The following TRAF2 variants were observed in gnomAD, a reference collection of about 807,000 sequenced individuals.
TRAF2 encodes TNF receptor associated factor 2.
A neutral mutation model predicts 55.6 loss-of-function variants in TRAF2; 6 were observed. That is an observed-to-expected ratio of 0.11 (90% CI 0.06 to 0.21). The LOEUF (loss-of-function observed/expected upper bound fraction) is 0.21, where lower values mean the gene tolerates loss of function less well. Among genes scored for constraint, TRAF2 ranks in the 10% least tolerant of loss-of-function variants. TRAF2 has a pLI of 1.00. For synonymous variants in TRAF2, 329 were observed against 276.3 expected (o/e 1.19, Z -1.89); for missense variants, 561 against 684.5 (o/e 0.82, Z 2.01).
intron 4 of TRAF2, chr9:136,902,541 CCACGCGGTCCTGCAGG>C (rs1163923813): frequency 6.6e-6 from 1 of 152,274 alleles, no homozygotes; most frequent in African/African-American, 2.4e-5. Context: ...GCCTGGGGCG[CCACGCGGTCCTGCAGG>C]CACGCAGGGT....
rs867942739 is a variant in TRAF2 at position 136,908,872 on chromosome 9, A to G, written c.528+641A>G. The stretch of plus-strand genomic sequence containing the variant: ...GCGACAGAGCGAGATTCCGTCTCGG[A>G]AAAAAAAAAAAAAAAAAAAGCCAGG... On this transcript the variant is annotated intron_variant, in intron 5 of 10. Transcript: ENST00000247668. Among the ~76,000 whole-genome samples, 27 of 9,718 alleles carry G rather than the reference A, an allele frequency of 2.8e-3. No homozygotes were observed. In the East Asian group the frequency reaches 0.051, roughly 18 times the overall value. 6.4% of individuals were successfully genotyped at this position (9,718 alleles called of 152,430 possible).
In TRAF2 at chr9:136,926,170, A is replaced by C. The variant is rs1850528119; in HGVS notation, c.*269A>C. ...GGCCGAGGGTCTTCGGGTGCTTCCC[A>C]GCACAAGCTGCCCTTGCTGTCCTGT... On this transcript the variant is annotated 3_prime_UTR_variant, in exon 11 of 11. Transcript: ENST00000247668. 1 of 622,066 alleles carries C rather than the reference A, an allele frequency of 1.6e-6. No individual in the cohort carries two copies. Among genetic ancestry groups the C allele is most frequent in the Non-Finnish European group, 3.0e-6 (1 of 335,464 alleles). 38.5% of individuals were successfully genotyped at this position (622,066 alleles called of 1,614,324 possible).
intron 1 of TRAF2, among the ~76,000 whole-genome samples, chr9:136,894,883 C>A (rs114142001): frequency 1.7e-3 from 255 of 152,240 alleles, no homozygotes; most frequent in African/African-American, 6.0e-3. Flanking sequence ...GAGAAACTGG[C>A]GGGAGGATCG....
intron 4 of TRAF2, among the ~76,000 whole-genome samples, chr9:136,905,986 TC>T (rs1257570153): frequency 6.6e-6 from 1 of 152,152 alleles, no homozygotes; most frequent in African/African-American, 2.4e-5. Context: ...GCGCCCGTAG[TC>T]CCAGCTACTC....
chr9:136,915,902 C>T (rs147141076), intron 6 of TRAF2, among the ~76,000 whole-genome samples: 33 of 152,274 alleles, frequency 2.2e-4, no homozygotes, highest in Admixed American at 5.2e-4. Context: ...TCTTGTGCTG[C>T]GTCTGGCATG....
intron 10 of TRAF2, among the ~76,000 whole-genome samples, chr9:136,924,792 T>C (rs982362110): frequency 6.6e-6 from 1 of 152,042 alleles, no homozygotes; most frequent in African/African-American, 2.4e-5. Context: ...CAGGCTGGAG[T>C]GCAGTGGCAT....
chr9:136,920,433 T>G lies in TRAF2; in HGVS notation c.878T>G (p.Val293Gly), dbSNP rs1157951722. ...ENIVCVLNRE[V>G]ERVAMTAEAC... ...ATTGTCTGCGTCCTGAACCGGGAGG[T>G]GGAGAGGGTGGCCATGACTGCCGAG... The change falls in exon 8 of 11, where the codon GTG becomes GGG. Residue 293 changes from valine (V) to glycine (G), a missense_variant. By Grantham distance (109) the Val-to-Gly change is moderately radical (BLOSUM62 -3). Transcript: ENST00000247668. The G allele has an allele frequency of 2.5e-6, 4 of 1,612,812 alleles. No homozygotes were observed. The highest frequency in any genetic ancestry group is 3.4e-6 in the Non-Finnish European group (4 of 1,179,748).
chr9:136,894,637 T>TA (rs1280160721), intron 1 of TRAF2, among the ~76,000 whole-genome samples: 1 of 152,056 alleles, frequency 6.6e-6, no homozygotes, highest in Non-Finnish European at 1.5e-5. Flanking sequence ...CTAAACCCAG[T>TA]GGCCGGGTTT....
chr9:136,905,220 G>T (rs1278935161), intron 4 of TRAF2, among the ~76,000 whole-genome samples: 1 of 152,194 alleles, frequency 6.6e-6, no homozygotes, highest in African/African-American at 2.4e-5. Context: ...GTCCTCTGCT[G>T]CCCTGGCCTC....
rs1850245770 is a variant in TRAF2, at chr9:136,916,523, G to C, written c.604-18G>C. 1 of 1,613,442 alleles carries C rather than the reference G, an allele frequency of 6.2e-7. No homozygotes were observed. On this transcript the variant is annotated intron_variant, in intron 6 of 10. Transcript: ENST00000247668. Reference sequence around the variant, plus strand: ...TCAGAACAGAGAAAGATGGCTCTGTGACGTCACTCCCTTGTAGTTTCAGGA... The same window carrying C: ...TCAGAACAGAGAAAGATGGCTCTGTCACGTCACTCCCTTGTAGTTTCAGGA...
At chr9:136,910,238 T>G (rs1346181236) in intron 6 of TRAF2, 2 of 565,784 alleles carry the variant, frequency 3.5e-6, no homozygotes, top group Non-Finnish European at 3.2e-6. Context: ...AGCTGCTTAC[T>G]TTTCAGCAGG....
rs185223767 is a variant in TRAF2 at position 136,907,315 on chromosome 9, C to G, written c.367-755C>G. On this transcript the variant is annotated intron_variant, in intron 4 of 10. Transcript: ENST00000247668. The stretch of plus-strand genomic sequence containing the variant: ...GCCTGCCTTCCCTGGTGTTCTGGCA[C>G]TGGTGGTCACTACCAGGTTGTCAGC... Among the ~76,000 whole-genome samples the G allele has an allele frequency of 3.5e-3, 529 of 152,386 alleles. 13 individuals carry two copies. The highest frequency in any genetic ancestry group is 0.031 in the Admixed American group (474 of 15,308).
Position 136,923,907 on chromosome 9 carries a change from C to T in TRAF2, c.1194C>T (p.Gly398=), listed in dbSNP as rs528805142. The T allele has an allele frequency of 6.0e-5, 97 of 1,613,884 alleles. No homozygotes were observed. Among genetic ancestry groups the T allele is most frequent in the East Asian group, 2.0e-4 (9 of 44,864 alleles). Residue 398 remains glycine, a synonymous_variant, in exon 10 of 11, where the codon GGC becomes GGT. Coordinates refer to ENST00000247668, the MANE Select transcript of TRAF2 (RefSeq NM_021138.4). ...YKMCLRIYLN[G]DGTGRGTHLS... is the part of the protein sequence containing the mutation. ...TGTGTCTGCGTATCTACCTGAACGG[C>T]GACGGCACCGGGCGAGGAACACACC...
At chr9:136,900,792 C>T (rs919774216) in intron 4 of TRAF2, 17 of 408,520 alleles carry the variant, frequency 4.2e-5, no homozygotes, top group Non-Finnish European at 7.5e-5. Context: ...TCTTGTCTGT[C>T]GATGGGGGTG....
upstream of TRAF2, among the ~76,000 whole-genome samples, chr9:136,883,826 T>A (rs1276429851): frequency 1.6e-5 from 2 of 127,064 alleles, no homozygotes; most frequent in African/African-American, 6.7e-5. Flanking sequence ...CTTTTGTGTA[T>A]TTTTTTTTTT....
chr9:136,887,375 G>A (rs944663881), intron 1 of TRAF2, among the ~76,000 whole-genome samples: 1 of 152,196 alleles, frequency 6.6e-6, no homozygotes, highest in Non-Finnish European at 1.5e-5. Context: ...CTCGGGAGGC[G>A]GCCAGATGGG....
intron 1 of TRAF2, among the ~76,000 whole-genome samples, chr9:136,889,323 G>T (rs1471003836): frequency 1.5e-5 from 2 of 135,486 alleles, no homozygotes; most frequent in East Asian, 2.4e-4. Context: ...CGCTCTTGTT[G>T]CCCAGGCTGG....
At position 136,908,230 on chromosome 9, in the gene TRAF2, A is replaced by C. The variant is rs200775038; in HGVS notation, c.527A>C (p.Lys176Thr). Residue 176 changes from lysine (K) to threonine (T), a missense_variant and splice_region_variant, in exon 5 of 11, where the codon AAG becomes ACG. Physicochemically the swap from Lys to Thr is moderately conservative, Grantham distance 78. This residue lies in a region of TRAF2 where 426 missense variants were observed against 476.8 expected (regional missense o/e 0.89). Coordinates refer to ENST00000247668, the MANE Select transcript of TRAF2 (RefSeq NM_021138.4). ...GCACCCTGCTGCGGAGCAGACGTGA[A>C]GGTGCGTGGGGTGGAGCAGCAGCCT... ...CRAPCCGADVKAHHEVCPKFP... is the reference protein window; with the variant it reads ...CRAPCCGADVTAHHEVCPKFP... 1 of 1,578,044 alleles carries C rather than the reference A, an allele frequency of 6.3e-7. No homozygotes were observed. Among genetic ancestry groups the C allele is most frequent in the South Asian group, 1.1e-5 (1 of 89,038 alleles).
intron 4 of TRAF2, among the ~76,000 whole-genome samples, chr9:136,906,115 A>G (rs1209385272): frequency 6.6e-6 from 1 of 151,900 alleles, no homozygotes; most frequent in East Asian, 1.9e-4. Context: ...AAAAACAAAA[A>G]ACCAAGATGG....
Sources: gnomAD v4.1 joint callset for allele counts (sites outside exome capture counted in the v4.1 genomes callset) on GRCh38, gnomAD v4.1.1 for gene constraint, gnomAD v4.1.1 regional missense constraint, MANE v1.5 for transcripts, NCBI Gene and HGNC (gene_info 2026-07-23, HGNC 2026-07-21) for gene names.